SAMD8: variants seen among roughly 807,000 people sequenced by gnomAD.
SAMD8 encodes sphingomyelin synthase-related protein 1.
In SAMD8, 20 loss-of-function variants were observed where a neutral mutation model predicts 42.0. The ratio of observed to expected loss-of-function variants is 0.48; its 90% CI spans 0.34 to 0.69. The LOEUF (loss-of-function observed/expected upper bound fraction) is 0.69, where lower values mean the gene tolerates loss of function less well. SAMD8 is among the 30% of genes least tolerant of loss of function. The probability of loss-of-function intolerance (pLI) is 0.01; values close to 1 mark genes in which losing one functional copy is unlikely to be tolerated. For missense variants in SAMD8, 328 were observed against 511.6 expected (o/e 0.64, Z 3.46); for synonymous variants, 162 against 173.0 (o/e 0.94, Z 0.50).
intron 1 of SAMD8, among the ~76,000 whole-genome samples, chr10:75,121,781 T>C (rs925455831): frequency 1.1e-4 from 16 of 152,256 alleles, no homozygotes; most frequent in African/African-American, 2.4e-5. Flanking sequence ...AACCTCTGCC[T>C]CCCAGGTTCA....
chr10:75,157,221 G>T (rs564679669), intron 2 of SAMD8, among the ~76,000 whole-genome samples: 1 of 151,894 alleles, frequency 6.6e-6, no homozygotes, highest in African/African-American at 2.4e-5. Context: ...ATTAGGCAAA[G>T]AAATGATGAG....
chr10:75,106,674 G>T (rs926539076), upstream of SAMD8, among the ~76,000 whole-genome samples: 1 of 152,148 alleles, frequency 6.6e-6, no homozygotes, highest in Non-Finnish European at 1.5e-5. Context: ...TATACTATTC[G>T]CAATTTGGCT....
At chr10:75,113,243 T>G (rs555637497) in intron 1 of SAMD8, among the ~76,000 whole-genome samples, 1 of 152,334 alleles carries the variant, frequency 6.6e-6, no homozygotes, top group Admixed American at 6.5e-5. Flanking sequence ...TTGACTTCCT[T>G]TTGTGATTGT....
At chr10:75,118,614 A>G (rs1192720356) in intron 1 of SAMD8, among the ~76,000 whole-genome samples, 1 of 152,260 alleles carries the variant, frequency 6.6e-6, no homozygotes, top group Non-Finnish European at 1.5e-5. Context: ...GCTGCATTCC[A>G]GCCTGGGCGA....
chr10:75,135,350 G>C (rs887728561), intron 1 of SAMD8, among the ~76,000 whole-genome samples: 5 of 151,862 alleles, frequency 3.3e-5, no homozygotes, highest in Non-Finnish European at 7.4e-5. Flanking sequence ...CTACTCAGGA[G>C]GCTGAGGCAG....
upstream of SAMD8, chr10:75,111,645 G>C: frequency 8.0e-7 from 1 of 1,245,048 alleles, no homozygotes; most frequent in East Asian, 3.1e-5. Flanking sequence ...CGGCGAGGCG[G>C]GGAGGGCCCC....
rs547866428 is a variant in SAMD8 at position 75,156,721 on chromosome 10, C to T, written c.578+5615C>T. Reference sequence around the variant, plus strand: ...GAACATGGAACATTCTACAAGACAGCTGACATGGACTCTAAAAATGTCAGT... The same window carrying T: ...GAACATGGAACATTCTACAAGACAGTTGACATGGACTCTAAAAATGTCAGT... On this transcript the variant is annotated intron_variant, in intron 2 of 5. Transcript: ENST00000542569. 7.9e-5 allele frequency among the ~76,000 whole-genome samples: 12 copies of T among 151,976 alleles called. No individual in the cohort carries two copies. In the South Asian group the frequency reaches 2.1e-3, roughly 26 times the overall value.
chr10:75,125,345 G>T (rs1849106399), intron 1 of SAMD8: 1 of 152,040 alleles, frequency 6.6e-6, no homozygotes, highest in South Asian at 2.1e-4. Context: ...GGGTGTGGTG[G>T]TTCACACCTG....
intron 4 of SAMD8, among the ~76,000 whole-genome samples, chr10:75,174,347 T>G (rs1376353334): frequency 6.6e-6 from 1 of 151,928 alleles, no homozygotes; most frequent in Admixed American, 6.6e-5. Context: ...GCCAGGATGG[T>G]CTCAATCTCC....
chr10:75,111,570 C>A, upstream of SAMD8: 1 of 1,249,826 alleles, frequency 8.0e-7, no homozygotes, highest in Non-Finnish European at 1.0e-6. Context: ...CAGTCGCCAC[C>A]GCCCCCGCCT....
chr10:75,149,946 A>G (rs1216388421), intron 1 of SAMD8, among the ~76,000 whole-genome samples: 1 of 152,086 alleles, frequency 6.6e-6, no homozygotes, highest in Non-Finnish European at 1.5e-5. Flanking sequence ...GTGTTAATCT[A>G]TTGAAAACCA....
Position 75,142,424 on chromosome 10 carries a change from T to C in SAMD8, c.-15-8090T>C, listed in dbSNP as rs547763985. 2.6e-5 allele frequency among the ~76,000 whole-genome samples: 4 copies of C among 152,312 alleles called. No homozygotes were observed. In the East Asian group the frequency reaches 7.7e-4, roughly 29 times the overall value. ...TGTTATAAATCCCACAGTACATTGC[T>C]TTTTGTTTAAACAGTAAATTATCTT... is the stretch of plus-strand genomic sequence containing the variant. On this transcript the variant is annotated intron_variant, in intron 1 of 5. Coordinates refer to ENST00000542569, the MANE Select transcript of SAMD8 (RefSeq NM_001174156.2).
chr10:75,136,719 C>T (rs1042738421), intron 1 of SAMD8, among the ~76,000 whole-genome samples: 2 of 152,048 alleles, frequency 1.3e-5, no homozygotes, highest in Admixed American at 6.6e-5. Context: ...TTTGAGAATG[C>T]GCCATCTCAA....
chr10:75,160,486 G>A (rs1043699103), intron 2 of SAMD8, among the ~76,000 whole-genome samples: 14 of 152,108 alleles, frequency 9.2e-5, no homozygotes, highest in South Asian at 2.1e-4. Flanking sequence ...GATTACAGGC[G>A]TGAGCCACCA....
chr10:75,107,914 A>C (rs1848613989), upstream of SAMD8: 1 of 1,454,550 alleles, frequency 6.9e-7, no homozygotes, highest in East Asian at 2.5e-5. Flanking sequence ...ATGGGAGGGC[A>C]CTGATGACTG....
At chr10:75,160,391 A>G (rs927218266) in intron 2 of SAMD8, among the ~76,000 whole-genome samples, 6 of 149,934 alleles carry the variant, frequency 4.0e-5, no homozygotes, top group African/African-American at 1.5e-4. Flanking sequence ...ATTTTTTAGT[A>G]GGGACGGGGT....
chr10:75,103,969 G>A, intron 1 of SAMD8: 1 of 1,334,136 alleles, frequency 7.5e-7, no homozygotes, highest in Non-Finnish European at 9.9e-7. Context: ...AGGCTCTAGG[G>A]CCGACCCCAC....
chr10:75,144,031 G>A lies in SAMD8; in HGVS notation c.-15-6483G>A, dbSNP rs1055293076. 4.7e-4 allele frequency among the ~76,000 whole-genome samples: 70 copies of A among 149,424 alleles called. 2 individuals are homozygous for A. The highest frequency in any genetic ancestry group is 3.3e-3 in the Admixed American group (49 of 14,888). On this transcript the variant is annotated intron_variant, in intron 1 of 5. Transcript: ENST00000542569. ...CACCCAGGCTGAAGTGCAGTGGCAC[G>A]ATCTCGGCTCACTGCAACCTCTGCC... is the stretch of plus-strand genomic sequence containing the variant.
At position 75,139,150 on chromosome 10, in the gene SAMD8, A is replaced by G. The variant is rs970075190; in HGVS notation, c.-15-11364A>G. On this transcript the variant is annotated intron_variant, in intron 1 of 5. Coordinates refer to ENST00000542569, the MANE Select transcript of SAMD8 (RefSeq NM_001174156.2). ...TAATTTTTTTTTTTTTGCATTTTTA[A>G]TACAGACAGGGTTTCACAACATTGG... 3.3e-5 allele frequency among the ~76,000 whole-genome samples: 5 copies of G among 151,498 alleles called. No individual in the cohort carries two copies. The South Asian group carries it at 8.4e-4, about 25-fold the overall frequency.
Sources: gnomAD v4.1 joint callset for allele counts (sites outside exome capture counted in the v4.1 genomes callset) on GRCh38, gnomAD v4.1.1 for gene constraint, MANE v1.5 for transcripts, NCBI Gene and HGNC (gene_info 2026-07-23, HGNC 2026-07-21) for gene names.